Variants in MAP3K20 observed in about 807,000 individuals in gnomAD.
MAP3K20 encodes the protein HCCS-4.
Under a neutral mutation model 85.7 loss-of-function variants are expected in MAP3K20, and 40 were observed. The observed-to-expected ratio is 0.47, with a 90% confidence interval of 0.36 to 0.61. The LOEUF is 0.61. Among genes scored for constraint, MAP3K20 ranks in the 20% least tolerant of loss-of-function variants. The pLI is 0.00. For missense variants in MAP3K20, 817 were observed against 961.7 expected (o/e 0.85, Z 1.99); for synonymous variants, 325 against 327.7 (o/e 0.99, Z 0.09).
intron 2 of MAP3K20, among the ~76,000 whole-genome samples, chr2:173,144,468 AAAAAAAAAAAAAAAAAAG>A (rs906668085): frequency 1.3e-5 from 1 of 76,510 alleles, no homozygotes; most frequent in Non-Finnish European, 2.6e-5. Context: ...GTCTCAAAAA[AAAAAAAAAAAAAAAAAAG>A]AAAAGAAAGA....
chr2:173,248,744 A>G (rs1242974502), intron 16 of MAP3K20, among the ~76,000 whole-genome samples: 1 of 151,934 alleles, frequency 6.6e-6, no homozygotes, highest in East Asian at 1.9e-4. Flanking sequence ...CAAGTTACCA[A>G]TCTGGCATCA....
chr2:173,191,656 A>C (rs1427173069), intron 7 of MAP3K20, among the ~76,000 whole-genome samples: 1 of 152,242 alleles, frequency 6.6e-6, no homozygotes, highest in Non-Finnish European at 1.5e-5. Context: ...GGTTTCTAAA[A>C]GTCCAAAAGA....
chr2:173,248,548 C>G (rs1558909071), intron 16 of MAP3K20, among the ~76,000 whole-genome samples: 3 of 152,252 alleles, frequency 2.0e-5, no homozygotes, highest in African/African-American at 7.2e-5. Context: ...ATGGGTTGGA[C>G]AGCCACCTAT....
intron 10 of MAP3K20, among the ~76,000 whole-genome samples, chr2:173,213,401 G>C (rs1013282828): frequency 6.6e-6 from 1 of 152,194 alleles, no homozygotes; most frequent in Non-Finnish European, 1.5e-5. Context: ...ACCTGAACCA[G>C]TAAACCACAG....
chr2:173,130,515 C>G (rs1265538464), intron 2 of MAP3K20, among the ~76,000 whole-genome samples: 1 of 152,114 alleles, frequency 6.6e-6, no homozygotes, highest in Admixed American at 6.5e-5. Flanking sequence ...TTGCTTCCCT[C>G]TCTGATGTCT....
chr2:173,127,905 G>A (rs1489390653), intron 2 of MAP3K20, among the ~76,000 whole-genome samples: 7 of 152,198 alleles, frequency 4.6e-5, no homozygotes, highest in East Asian at 3.8e-4. Context: ...TTGCCAGGAC[G>A]CAGGTGAAGA....
At chr2:173,227,159 G>T in intron 11 of MAP3K20, 3 of 982,868 alleles carry the variant, frequency 3.1e-6, no homozygotes, top group Non-Finnish European at 3.6e-6. Context: ...CCTTTGTTAC[G>T]TGTTGCTGTG....
intron 11 of MAP3K20, chr2:173,221,897 C>T (rs1005572467): frequency 1.0e-6 from 1 of 993,348 alleles, no homozygotes; most frequent in Admixed American, 5.9e-5. Context: ...TTTTTAAAAA[C>T]TTACATTTTG....
At chr2:173,248,456 A>C (rs1440314750) in intron 16 of MAP3K20, among the ~76,000 whole-genome samples, 3 of 152,250 alleles carry the variant, frequency 2.0e-5, no homozygotes, top group Admixed American at 1.3e-4. Context: ...TTGAGCAAAG[A>C]AGCAAATGCA....
chr2:173,239,306 A>G, intron 15 of MAP3K20, 98 bp from the exon 16 acceptor site: 1 of 965,326 alleles, frequency 1.0e-6, no homozygotes, highest in Non-Finnish European at 1.5e-6. Flanking sequence ...ATAGATTAGA[A>G]TAGAAAAAAA....
At chr2:173,234,434 C>G (rs897037668) in intron 14 of MAP3K20, among the ~76,000 whole-genome samples, 7 of 152,190 alleles carry the variant, frequency 4.6e-5, no homozygotes, top group African/African-American at 9.7e-5. Flanking sequence ...ATTTACATCT[C>G]AGAGAAAAGA....
chr2:173,165,543 T>G (rs927567249), intron 2 of MAP3K20, among the ~76,000 whole-genome samples: 1 of 152,268 alleles, frequency 6.6e-6, no homozygotes, highest in Non-Finnish European at 1.5e-5. Context: ...AAGATGACTA[T>G]TGAATACATA....
At chr2:173,141,734 G>C (rs1204366184) in intron 2 of MAP3K20, among the ~76,000 whole-genome samples, 1 of 151,792 alleles carries the variant, frequency 6.6e-6, no homozygotes, top group Non-Finnish European at 1.5e-5. Flanking sequence ...CCCCAAGCAG[G>C]ATAAATTAAA....
In MAP3K20 at chr2:173,266,727, CACCG is replaced by C; in HGVS notation, c.2381_2384del (p.His794LeufsTer37). The C allele has an allele frequency of 6.6e-7, 1 of 1,524,872 alleles. No individual in the cohort carries two copies. Among genetic ancestry groups the C allele is most frequent in the Non-Finnish European group, 8.8e-7 (1 of 1,137,680 alleles). 94.5% of individuals were successfully genotyped at this position (1,524,872 alleles called of 1,614,324 possible). On this transcript the variant is annotated frameshift_variant, in exon 20 of 20. Coordinates refer to ENST00000375213, the MANE Select transcript of MAP3K20 (RefSeq NM_016653.3). LOFTEE classifies it high-confidence loss of function. ...CAATAAAGAGAGAGCCAGAGGGGAC[CACCG>C]TGGATGGAGAAACTTTTGATGAATT...
chr2:173,135,174 A>G (rs1688765033), intron 2 of MAP3K20, among the ~76,000 whole-genome samples: 1 of 152,234 alleles, frequency 6.6e-6, no homozygotes, highest in African/African-American at 2.4e-5. Flanking sequence ...AAGTTTCCGT[A>G]TACAAATTAG....
At chr2:173,176,405 A>G (rs1223836462) in intron 3 of MAP3K20, among the ~76,000 whole-genome samples, 2 of 152,138 alleles carry the variant, frequency 1.3e-5, no homozygotes, top group East Asian at 1.9e-4. Flanking sequence ...TATCACAACA[A>G]TAGCATAAAG....
In MAP3K20 at chr2:173,191,030, G is replaced by GT; in HGVS notation, c.445-6dup. 6.2e-7 allele frequency: 1 copy of GT among 1,612,664 alleles called. No homozygotes were observed. Among genetic ancestry groups the GT allele is most frequent in the Non-Finnish European group, 8.5e-7 (1 of 1,179,444 alleles). On this transcript the variant is annotated splice_polypyrimidine_tract_variant and intron_variant, in intron 6 of 19. Coordinates refer to ENST00000375213, the MANE Select transcript of MAP3K20 (RefSeq NM_016653.3). The stretch of plus-strand genomic sequence containing the variant: ...AAGTAGAAAGTTGACACTGATTCCT[G>GT]TTTTCTCAGATCTGTGACTTTGGTG...
At chr2:173,235,318 G>T (rs952552003) in intron 14 of MAP3K20, among the ~76,000 whole-genome samples, 1 of 152,180 alleles carries the variant, frequency 6.6e-6, no homozygotes, top group Non-Finnish European at 1.5e-5. Context: ...GCAGAATGAG[G>T]TATTTGGGAA....
chr2:173,157,071 T>C (rs1689499727), intron 2 of MAP3K20, among the ~76,000 whole-genome samples: 1 of 152,166 alleles, frequency 6.6e-6, no homozygotes, highest in Non-Finnish European at 1.5e-5. Context: ...TTGACTCCTT[T>C]GTTAGCGAAA....
Sources: allele counts gnomAD v4.1 joint callset (sites outside exome capture counted in the v4.1 genomes callset), GRCh38; gene constraint gnomAD v4.1.1; transcripts MANE v1.5; gene names NCBI Gene and HGNC (gene_info 2026-07-23, HGNC 2026-07-21).